The following PCDHGB7 variants were observed in gnomAD, a reference collection of about 807,000 sequenced individuals.
The protein encoded by PCDHGB7 is protocadherin gamma-B7.
PCDHGB7 carries 37 observed loss-of-function variants against 61.4 expected under a neutral mutation model. The observed-to-expected ratio is 0.60, with a 90% CI of 0.46 to 0.79. The LOEUF is 0.79. Ranked by LOEUF, PCDHGB7 falls within the 30% of genes least tolerant of loss-of-function variation. The pLI is 0.00. For synonymous variants in PCDHGB7, 464 were observed against 503.5 expected (o/e 0.92, Z 1.05); for missense variants, 1,166 against 1,202.5 (o/e 0.97, Z 0.45).
chr5:141,492,552 T>A (rs1444534113), intron 1 of PCDHGB7, among the ~76,000 whole-genome samples: 1 of 152,084 alleles, frequency 6.6e-6, no homozygotes, highest in African/African-American at 2.4e-5. Context: ...CCGGGTCGCC[T>A]GGGGGGCGGC....
In PCDHGB7 at chr5:141,498,823, C is replaced by A. The variant is rs540865523; in HGVS notation, c.2474+3958C>A. ...TGGTGCACACCTGTAGTCCCAGCTA[C>A]TCAGGAGGCTGAGGCAGGGGAATCG... On this transcript the variant is annotated intron_variant, in intron 2 of 3. Coordinates refer to ENST00000398594, the MANE Select transcript of PCDHGB7 (RefSeq NM_018927.4). Among the ~76,000 whole-genome samples the A allele has an allele frequency of 9.2e-5, 14 of 152,166 alleles. No homozygotes were observed. The East Asian group carries it at 1.5e-3, about 17-fold the overall frequency.
At chr5:141,506,962 G>A (rs2099857578) in intron 3 of PCDHGB7, 1 of 152,196 alleles carries the variant, frequency 6.6e-6, no homozygotes, top group Non-Finnish European at 1.5e-5. Context: ...CCTCTCAATA[G>A]CTCTGCAAGG....
In PCDHGB7 at chr5:141,486,288, T is replaced by G. The variant is rs1181533037; in HGVS notation, c.2416-8519T>G. ...GAACCTGGCACTGTGGTGGCACTTA[T>G]CAGTGTGCAGGATCCAGACTCAGGG... On this transcript the variant is annotated intron_variant, in intron 1 of 3. Transcript: ENST00000398594. This position sits in a 1 kb window ranked among gnomAD's most constrained non-coding sequence, Gnocchi z 5.0. The G allele has an allele frequency of 6.2e-7, 1 of 1,613,996 alleles. No individual in the cohort carries two copies. The highest frequency in any genetic ancestry group is 1.7e-5 in the Admixed American group (1 of 60,000).
In PCDHGB7 at chr5:141,420,293, A is replaced by T. The variant is rs1478341095; in HGVS notation, c.2415+19A>T. The T allele has an allele frequency of 6.7e-7, 1 of 1,485,484 alleles. No individual in the cohort carries two copies. Among genetic ancestry groups the T allele is most frequent in the Admixed American group, 2.2e-5 (1 of 45,128 alleles). The allele number at this position is 1,485,484 out of a possible 1,614,324, so 92.0% of individuals were successfully genotyped here. ...TAAACAGGTAAGTATTTAAAAATGT[A>T]TTTAATCCTTTTTATATTACAATAT... On this transcript the variant is annotated intron_variant, in intron 1 of 3. Coordinates refer to ENST00000398594, the MANE Select transcript of PCDHGB7 (RefSeq NM_018927.4).
chr5:141,494,688 A>T (rs2099756168), intron 1 of PCDHGB7, 119 bp from the exon 2 acceptor site: 1 of 1,576,254 alleles, frequency 6.3e-7, no homozygotes, highest in Non-Finnish European at 8.6e-7. Context: ...GCCCCCTCTT[A>T]GTCCGTTTTC....
intron 3 of PCDHGB7, among the ~76,000 whole-genome samples, chr5:141,506,567 T>G (rs2099855029): frequency 6.6e-6 from 1 of 152,182 alleles, no homozygotes; most frequent in Non-Finnish European, 1.5e-5. Flanking sequence ...CCCCCTCGGT[T>G]TCACTTACTA....
chr5:141,468,067 G>A (rs560511893), intron 1 of PCDHGB7, among the ~76,000 whole-genome samples: 34 of 152,032 alleles, frequency 2.2e-4, no homozygotes, highest in Non-Finnish European at 4.0e-4. Flanking sequence ...GCTCACACCT[G>A]TAATCCCAGC....
rs956263164 is a variant in PCDHGB7 at position 141,511,304 on chromosome 5, C to G, written c.*131C>G. The G allele has an allele frequency of 3.3e-5, 49 of 1,490,320 alleles. No homozygotes were observed. The highest frequency in any genetic ancestry group is 4.2e-5 in the African/African-American group (3 of 71,286). The allele number at this position is 1,490,320 out of a possible 1,614,324, so 92.3% of individuals were successfully genotyped here. ...TGGTAGGGGCCAAGGCCATGCTCCC[C>G]TTGGGAAACAGAAACAAGTGCCCAG... On this transcript the variant is annotated 3_prime_UTR_variant, in exon 4 of 4. Coordinates refer to ENST00000398594, the MANE Select transcript of PCDHGB7 (RefSeq NM_018927.4).
chr5:141,491,800 C>G lies in PCDHGB7; in HGVS notation c.2416-3007C>G. The G allele has an allele frequency of 6.7e-7, 1 of 1,500,854 alleles. No individual in the cohort carries two copies. The highest frequency in any genetic ancestry group is 8.9e-7 in the Non-Finnish European group (1 of 1,125,316). 93.0% of individuals were successfully genotyped at this position (1,500,854 alleles called of 1,614,324 possible). A position where few individuals can be genotyped will look rare whatever the true frequency, so the allele number is the denominator to read the frequency against. ...GAACTTGCATCCACTCCTCTCCGGC[C>G]GGCTTGGTCGCTGGCTGCGCTCCAC... On this transcript the variant is annotated intron_variant, in intron 1 of 3. Transcript: ENST00000398594. The surrounding 1 kb of genome is among the most constrained non-coding windows in gnomAD (Gnocchi z 6.9).
At position 141,419,419 on chromosome 5, in the gene PCDHGB7, C is replaced by A. The variant is rs767018815; in HGVS notation, c.1560C>A (p.Phe520Leu). The A allele has an allele frequency of 6.2e-7, 1 of 1,613,384 alleles. No individual in the cohort carries two copies. ...GGGTGGTGTTCGCGCAGCGCGCCTT[C>A]GACCACGAGCAGCTGCGCACCTTCG... ...QSGVVFAQRA[F>L]DHEQLRTFEL... is the part of the protein sequence containing the mutation. Residue 520 changes from phenylalanine (F) to leucine (L), a missense_variant, in exon 1 of 4, where the codon TTC becomes TTA. Physicochemically the swap from Phe to Leu is conservative, Grantham distance 22. Transcript: ENST00000398594.
intron 1 of PCDHGB7, among the ~76,000 whole-genome samples, chr5:141,449,199 A>T (rs927587807): frequency 3.3e-5 from 5 of 152,190 alleles, no homozygotes; most frequent in Admixed American, 2.6e-4. Flanking sequence ...AGAAGTGTTA[A>T]TTCTAACTTT....
rs1282403944 is a variant in PCDHGB7 at position 141,485,452 on chromosome 5, G to A, written c.2416-9355G>A. ...TCATCAAGAACCCAATCGACCGAGA[G>A]GCACTGTGTGGGCTCAGTGCCAGCT... On this transcript the variant is annotated intron_variant, in intron 1 of 3. Transcript: ENST00000398594. The surrounding 1 kb of genome is among the most constrained non-coding windows in gnomAD (Gnocchi z 5.7). 2.5e-6 allele frequency: 4 copies of A among 1,614,054 alleles called. No individual in the cohort carries two copies. Among genetic ancestry groups the A allele is most frequent in the East Asian group, 4.5e-5 (2 of 44,884 alleles).
At chr5:141,510,887 G>C (rs2099883217) in intron 3 of PCDHGB7, 60 bp from the exon 4 acceptor site, 2 of 1,612,600 alleles carry the variant, frequency 1.2e-6, no homozygotes, top group East Asian at 4.5e-5. Context: ...GGGGATATAA[G>C]ACAGTGACTG....
rs754931078 is a variant in PCDHGB7 at position 141,419,447 on chromosome 5, C to T, written c.1588C>T (p.Leu530Phe). ...FDHEQLRTFE[L>F]TLQARDQGSP... ...CCACGAGCAGCTGCGCACCTTCGAG[C>T]TCACGCTGCAGGCCCGCGACCAGGG... The change falls in exon 1 of 4, where the codon CTC (leucine) becomes TTC (phenylalanine). Residue 530 changes from leucine (L) to phenylalanine (F), a missense_variant. By Grantham distance (22) the Leu-to-Phe change is conservative. Coordinates refer to ENST00000398594, the MANE Select transcript of PCDHGB7 (RefSeq NM_018927.4). The T allele has an allele frequency of 5.0e-6, 8 of 1,613,016 alleles. No individual in the cohort carries two copies. Among genetic ancestry groups the T allele is most frequent in the Non-Finnish European group, 4.2e-6 (5 of 1,179,718 alleles).
chr5:141,477,361 G>A lies in PCDHGB7; in HGVS notation c.2416-17446G>A. The A allele has an allele frequency of 6.2e-7, 1 of 1,614,172 alleles. No individual in the cohort carries two copies. The highest frequency in any genetic ancestry group is 8.5e-7 in the Non-Finnish European group (1 of 1,180,032). Reference sequence around the variant, plus strand: ...TCACTTTGAAAACCAGTGCAGACCTGGATCGGGAGACTGTGCCAGAATACA... The same window carrying A: ...TCACTTTGAAAACCAGTGCAGACCTAGATCGGGAGACTGTGCCAGAATACA... On this transcript the variant is annotated intron_variant, in intron 1 of 3. Coordinates refer to ENST00000398594, the MANE Select transcript of PCDHGB7 (RefSeq NM_018927.4). The surrounding 1 kb of genome is among the most constrained non-coding windows in gnomAD (Gnocchi z 4.9).
intron 1 of PCDHGB7, among the ~76,000 whole-genome samples, chr5:141,453,047 G>A (rs930795400): frequency 1.3e-5 from 2 of 152,172 alleles, no homozygotes; most frequent in African/African-American, 4.8e-5. Context: ...TTTCTATTAT[G>A]TGCAGTTTTA....
At chr5:141,505,564 G>GGATGTCAAACCTGTGTAGTTTCTCCA in intron 3 of PCDHGB7, 83 bp downstream of exon 3, 1 of 1,603,196 alleles carries the variant, frequency 6.2e-7, no homozygotes, top group Non-Finnish European at 8.5e-7. Context: ...CCCACGGACT[G>GGATGTCAAACCTGTGTAGTTTCTCCA]GATGTCAAAC....
chr5:141,428,546 A>C (rs1476382847), intron 1 of PCDHGB7: 1 of 263,642 alleles, frequency 3.8e-6, no homozygotes, highest in Non-Finnish European at 7.5e-6. Flanking sequence ...ATGACACCAG[A>C]AACAGTCCCC....
chr5:141,500,835 A>G (rs965204931), intron 2 of PCDHGB7, among the ~76,000 whole-genome samples: 13 of 152,118 alleles, frequency 8.5e-5, no homozygotes, highest in African/African-American at 3.1e-4. Context: ...TCTAATGCTA[A>G]TGGGCTTTTG....
Sources: gnomAD v4.1 joint callset for allele counts (sites outside exome capture counted in the v4.1 genomes callset) on GRCh38, gnomAD v4.1.1 for gene constraint, Gnocchi (gnomAD v3.1) non-coding constraint, MANE v1.5 for transcripts, NCBI Gene and HGNC (gene_info 2026-07-23, HGNC 2026-07-21) for gene names.